The following IL1RAP variants were observed in gnomAD, a reference collection of about 807,000 sequenced individuals.
IL1RAP encodes interleukin-1 receptor accessory protein.
A neutral mutation model predicts 60.7 loss-of-function variants in IL1RAP; 35 were observed. That is an observed-to-expected ratio of 0.58 (90% CI 0.44 to 0.76). IL1RAP has a LOEUF of 0.76. Among genes scored for constraint, IL1RAP ranks in the 30% least tolerant of loss-of-function variants. The probability of loss-of-function intolerance (pLI) is 0.00; values close to 1 mark genes in which losing one functional copy is unlikely to be tolerated. For missense variants in IL1RAP, 572 were observed against 693.9 expected (o/e 0.82, Z 1.97); for synonymous variants, 268 against 250.9 (o/e 1.07, Z -0.64).
intron 5 of IL1RAP, among the ~76,000 whole-genome samples, chr3:190,618,811 G>GA (rs1268630227): frequency 1.3e-5 from 2 of 152,024 alleles, no homozygotes; most frequent in Non-Finnish European, 2.9e-5. Flanking sequence ...AAGCTGCGTT[G>GA]AAAAAAATAC....
At chr3:190,618,883 C>T (rs2108789062) in intron 5 of IL1RAP, among the ~76,000 whole-genome samples, 1 of 152,274 alleles carries the variant, frequency 6.6e-6, no homozygotes, top group East Asian at 1.9e-4. Context: ...AAGTTCAATG[C>T]TGTTCTTAAA....
chr3:190,525,512 C>T (rs1722431575), intron 1 of IL1RAP, among the ~76,000 whole-genome samples: 1 of 152,132 alleles, frequency 6.6e-6, no homozygotes, highest in Non-Finnish European at 1.5e-5. Context: ...CAGACAGAAG[C>T]AGGATGATGA....
intron 1 of IL1RAP, among the ~76,000 whole-genome samples, chr3:190,552,469 C>T (rs1724946007): frequency 6.6e-6 from 1 of 152,056 alleles, no homozygotes; most frequent in African/African-American, 2.4e-5. Context: ...TTCTTTAATC[C>T]TGGGCAAGAA....
At chr3:190,656,678 C>A in exon 12 of IL1RAP, 1 of 907,614 alleles carries the variant, frequency 1.1e-6, no homozygotes, top group Non-Finnish European at 1.6e-6. Flanking sequence ...GTGGGAAAAT[C>A]TGACATTTTT....
intron 1 of IL1RAP, 106 bp downstream of exon 1, chr3:190,514,325 G>T (rs1721305880): frequency 6.6e-6 from 1 of 152,338 alleles, no homozygotes; most frequent in South Asian, 2.1e-4. Flanking sequence ...CTTTACAGAA[G>T]AGGAAACTGA....
intron 3 of IL1RAP, among the ~76,000 whole-genome samples, chr3:190,576,963 C>T (rs1019208280): frequency 1.5e-4 from 23 of 151,832 alleles, no homozygotes; most frequent in South Asian, 6.2e-4. Context: ...TAGCCGGGCG[C>T]GGTGGCGGGC....
intron 9 of IL1RAP, chr3:190,629,921 G>T: frequency 1.0e-6 from 1 of 959,098 alleles, no homozygotes; most frequent in Non-Finnish European, 1.2e-6. Flanking sequence ...TGCATCATCT[G>T]ACCTAAGACT....
intron 3 of IL1RAP, among the ~76,000 whole-genome samples, chr3:190,575,221 C>T (rs75779730): frequency 1.3e-5 from 2 of 152,210 alleles, no homozygotes; most frequent in East Asian, 1.9e-4. Context: ...GACCTTTGTA[C>T]GTAGGGTAGG....
intron 5 of IL1RAP, among the ~76,000 whole-genome samples, chr3:190,617,514 A>G (rs1018150731): frequency 6.6e-6 from 1 of 152,196 alleles, no homozygotes; most frequent in Non-Finnish European, 1.5e-5. Context: ...TAATGGGTCA[A>G]CTAGGATTGT....
chr3:190,604,083 T>TA lies in IL1RAP; in HGVS notation c.65-41dup, dbSNP rs764178815. 3.2e-6 allele frequency: 5 copies of TA among 1,578,056 alleles called. No homozygotes were observed. In the Admixed American group the frequency reaches 9.0e-5, roughly 28 times the overall value. On this transcript the variant is annotated intron_variant, in intron 3 of 11. Coordinates refer to ENST00000447382, the MANE Select transcript of IL1RAP (RefSeq NM_002182.4). ...GTGTGTTCTTTTGAGGCCTTTGTTGTAAAATGACTCATCTGCCCCTTTCTT... is the reference window on the plus strand; with the variant it reads ...GTGTGTTCTTTTGAGGCCTTTGTTGTAAAAATGACTCATCTGCCCCTTTCTT...
At chr3:190,514,581 G>T (rs888735354) in intron 1 of IL1RAP, among the ~76,000 whole-genome samples, 4 of 120,280 alleles carry the variant, frequency 3.3e-5, no homozygotes, top group South Asian at 2.9e-4. Flanking sequence ...TCTCCAGACC[G>T]CTGCTGGAAG....
intron 9 of IL1RAP, among the ~76,000 whole-genome samples, chr3:190,639,575 C>T (rs1443464614): frequency 3.9e-5 from 6 of 152,064 alleles, no homozygotes; most frequent in Non-Finnish European, 7.4e-5. Context: ...TCTGATAATT[C>T]CACCACTTTT....
intron 3 of IL1RAP, among the ~76,000 whole-genome samples, chr3:190,577,979 T>G (rs1220403106): frequency 6.6e-6 from 1 of 152,192 alleles, no homozygotes; most frequent in Non-Finnish European, 1.5e-5. Flanking sequence ...ACTGCATCGG[T>G]GTTTCTGCAA....
intron 9 of IL1RAP, among the ~76,000 whole-genome samples, chr3:190,630,896 T>C (rs1036724821): frequency 1.3e-5 from 2 of 152,204 alleles, no homozygotes; most frequent in Non-Finnish European, 2.9e-5. Flanking sequence ...CACTACCTTA[T>C]AAGGTTGTTT....
chr3:190,565,965 C>T (rs1726352020), intron 3 of IL1RAP, among the ~76,000 whole-genome samples: 1 of 151,632 alleles, frequency 6.6e-6, no homozygotes, highest in Non-Finnish European at 1.5e-5. Flanking sequence ...CTCTTCTCTC[C>T]TCCTCCTCCC....
intron 5 of IL1RAP, among the ~76,000 whole-genome samples, chr3:190,614,718 CA>C (rs1330810976): frequency 1.3e-5 from 2 of 152,092 alleles, no homozygotes; most frequent in Non-Finnish European, 2.9e-5. Context: ...ATAATTTACT[CA>C]AAACAATGCA....
chr3:190,646,617 A>G (rs950763963), intron 11 of IL1RAP, among the ~76,000 whole-genome samples: 1 of 152,206 alleles, frequency 6.6e-6, no homozygotes, highest in Admixed American at 6.5e-5. Flanking sequence ...TTTAATAAAT[A>G]TATAAGTTAC....
intron 11 of IL1RAP, among the ~76,000 whole-genome samples, chr3:190,646,205 G>A (rs537075126): frequency 3.3e-5 from 5 of 151,278 alleles, no homozygotes; most frequent in African/African-American, 1.2e-4. Flanking sequence ...TTACAAGACT[G>A]AGAATTTTTT....
intron 2 of IL1RAP, chr3:190,563,847 A>G (rs1726125231): frequency 1.2e-5 from 2 of 163,772 alleles, no homozygotes; most frequent in Non-Finnish European, 2.7e-5. Context: ...AGAAGGTTGA[A>G]TTTATCTGCC....
Sources: allele counts gnomAD v4.1 joint callset (sites outside exome capture counted in the v4.1 genomes callset), GRCh38; gene constraint gnomAD v4.1.1; transcripts MANE v1.5; gene names NCBI Gene and HGNC (gene_info 2026-07-23, HGNC 2026-07-21).